CHD8: variants seen among roughly 807,000 people sequenced by gnomAD.
CHD8 encodes the protein chromodomain helicase DNA binding protein 8, also known as ATP-dependent chromatin remodeler CHD8.
In CHD8, 31 loss-of-function variants were observed where a neutral mutation model predicts 279.2. That is an observed-to-expected ratio of 0.11 (90% CI 0.08 to 0.15). CHD8 has a LOEUF of 0.15. CHD8 is among the 10% of genes least tolerant of loss of function. The pLI is 1.00. For missense variants in CHD8, 2,146 were observed against 3,230.5 expected, an observed-to-expected ratio of 0.66 and a Z score of 8.14; for synonymous variants, 1,081 against 1,139.6, an observed-to-expected ratio of 0.95 and a Z score of 1.04.
chr14:21,452,647 G>GA (rs1348233856), intron 1 of CHD8, among the ~76,000 whole-genome samples: 3,305 of 132,862 alleles, frequency 0.025, 123 homozygotes, highest in African/African-American at 0.083. Flanking sequence ...TGTCTCAAAA[G>GA]AAAAAAAAAA....
intron 2 of CHD8, 59 bp downstream of exon 2, chr14:21,430,742 A>G (rs1276753402): frequency 1.8e-5 from 20 of 1,083,782 alleles, no homozygotes; most frequent in Non-Finnish European, 2.4e-5. Flanking sequence ...TCACTCTCTC[A>G]AAGAGTTGCT....
Position 21,400,097 on chromosome 14 carries a change from T to G in CHD8, c.4728-27A>C. ...TAGAAAGGACAGAGGAAGAGCTGGC[T>G]CAGTAACACTGTAGAAGTTTGAGGT... On this transcript the variant is annotated intron_variant, in intron 24 of 37. Transcript: ENST00000646647. The surrounding 1 kb of genome is among the most constrained non-coding windows in gnomAD (Gnocchi z 4.2). 1 of 1,613,138 alleles carries G rather than the reference T, an allele frequency of 6.2e-7. No individual in the cohort carries two copies. Among genetic ancestry groups the G allele is most frequent in the Non-Finnish European group, 8.5e-7 (1 of 1,179,218 alleles).
At position 21,385,556 on chromosome 14, in the gene CHD8, G is replaced by A; in HGVS notation, c.*57C>T. ...CCCTCCCACGTTTCCATAGTCCAAG[G>A]GCCAGAGTAAATGAAAATACAGCAG... On this transcript the variant is annotated 3_prime_UTR_variant, in exon 38 of 38. Coordinates refer to ENST00000646647, the MANE Select transcript of CHD8 (RefSeq NM_001170629.2). 1.3e-6 allele frequency: 2 copies of A among 1,510,650 alleles called. No homozygotes were observed. Among genetic ancestry groups the A allele is most frequent in the Non-Finnish European group, 1.8e-6 (2 of 1,129,092 alleles). 93.6% of individuals were successfully genotyped at this position (1,510,650 alleles called of 1,614,324 possible). A position where few individuals can be genotyped will look rare whatever the true frequency, so the allele number is the denominator to read the frequency against.
chr14:21,400,057 C>T lies in CHD8; in HGVS notation c.4741G>A (p.Val1581Ile). ...KHQCNKVLLR[V>I]RMLYYLRQEV... ...TGCCTCAGGTAGTATAGCATTCGTA[C>T]CCGCAACAGTACCCTAGAAAGGACA... Residue 1581 changes from valine (V) to isoleucine (I), a missense_variant, in exon 25 of 38, where the codon GTA (valine) becomes ATA (isoleucine). Around this residue, in one of 26 missense-constraint regions of CHD8, gnomAD observed 4 missense variants for 33.0 expected, o/e 0.12. Coordinates refer to ENST00000646647, the MANE Select transcript of CHD8 (RefSeq NM_001170629.2). This position sits in a 1 kb window ranked among gnomAD's most constrained non-coding sequence, Gnocchi z 4.2. 2 of 1,613,686 alleles carry T rather than the reference C, an allele frequency of 1.2e-6. No homozygotes were observed. Among genetic ancestry groups the T allele is most frequent in the African/African-American group, 1.3e-5 (1 of 74,958 alleles).
intron 37 of CHD8, among the ~76,000 whole-genome samples, chr14:21,387,045 A>C (rs1184361472): frequency 1.3e-5 from 2 of 152,230 alleles, no homozygotes; most frequent in Non-Finnish European, 2.9e-5. Flanking sequence ...TTTTTGTTCC[A>C]CATTGATAAA....
At chr14:21,389,909 A>T (rs1361597537) in intron 37 of CHD8, among the ~76,000 whole-genome samples, 1 of 152,146 alleles carries the variant, frequency 6.6e-6, no homozygotes, top group Admixed American at 6.5e-5. Flanking sequence ...TCCTTAGAAG[A>T]CCTCTCCAAA....
At chr14:21,444,796 T>C (rs1349909572) in intron 1 of CHD8, among the ~76,000 whole-genome samples, 3 of 152,222 alleles carry the variant, frequency 2.0e-5, no homozygotes, top group Admixed American at 2.0e-4. Context: ...TTCTATACTT[T>C]CTTTTCAAGG....
chr14:21,403,349 T>A lies in CHD8; in HGVS notation c.3518+104A>T. 2 of 1,269,596 alleles carry A rather than the reference T, an allele frequency of 1.6e-6. No individual in the cohort carries two copies. Among genetic ancestry groups the A allele is most frequent in the Non-Finnish European group, 1.1e-6 (1 of 911,982 alleles). 78.6% of individuals were successfully genotyped at this position (1,269,596 alleles called of 1,614,324 possible). ...AGTTGAGAGTGAGAATCTTAAAAAC[T>A]TCTCTTATTGCAATTGGTGAACTCT... On this transcript the variant is annotated intron_variant, in intron 17 of 37. Coordinates refer to ENST00000646647, the MANE Select transcript of CHD8 (RefSeq NM_001170629.2). The surrounding 1 kb of genome is among the most constrained non-coding windows in gnomAD (Gnocchi z 4.3).
chr14:21,428,369 G>A (rs760497048), intron 3 of CHD8, 115 bp from the exon 4 acceptor site: 53 of 919,484 alleles, frequency 5.8e-5, no homozygotes, highest in Non-Finnish European at 8.3e-5. Flanking sequence ...CAAGAATCAA[G>A]CTCAGACTAA....
intron 3 of CHD8, among the ~76,000 whole-genome samples, chr14:21,428,529 C>G (rs1292949598): frequency 1.3e-5 from 2 of 152,180 alleles, no homozygotes; most frequent in Admixed American, 1.3e-4. Context: ...AAAATTACAA[C>G]TAATATACCC....
chr14:21,395,032 T>C lies in CHD8; in HGVS notation c.5270A>G (p.Gln1757Arg), dbSNP rs1380631924. 6.2e-7 allele frequency: 1 copy of C among 1,614,032 alleles called. No homozygotes were observed. Among genetic ancestry groups the C allele is most frequent in the Non-Finnish European group, 8.5e-7 (1 of 1,179,896 alleles). ...ARLRRLVTAY[Q>R]RSYKREQMKI... ...CATTTGTTCTCTCTTGTAGCTGCGC[T>C]GATACGCTGTTACTAGACGCCGAAG... The change falls in exon 30 of 38, where the codon CAG (glutamine) becomes CGG (arginine). Residue 1757 changes from glutamine to arginine, a missense_variant. Coordinates refer to ENST00000646647, the MANE Select transcript of CHD8 (RefSeq NM_001170629.2).
At chr14:21,453,538 T>C (rs1443275851) in intron 1 of CHD8, among the ~76,000 whole-genome samples, 2 of 151,850 alleles carry the variant, frequency 1.3e-5, no homozygotes, top group African/African-American at 2.4e-5. Flanking sequence ...ATAGTAAATA[T>C]TATACCACAA....
In CHD8 at chr14:21,385,626, T is replaced by C. The variant is rs755292321; in HGVS notation, c.7733A>G (p.Asp2578Gly). ...MMPANSDSSE[D>G]ADD ...CATGCTGGGGCTTCAGTCATCAGCA[T>C]CTTCACTGGAGTCTGAGTTAGCTGG... Residue 2578 changes from aspartate to glycine, a missense_variant, in exon 38 of 38, where the codon GAT becomes GGT. This residue lies in a region of CHD8 where 336 missense variants were observed against 392.9 expected (regional missense o/e 0.86). Transcript: ENST00000646647. The C allele has an allele frequency of 1.0e-5, 16 of 1,551,370 alleles. No homozygotes were observed. The highest frequency in any genetic ancestry group is 1.4e-5 in the Non-Finnish European group (16 of 1,146,612).
At chr14:21,438,219 C>G (rs1889862084) in intron 1 of CHD8, among the ~76,000 whole-genome samples, 1 of 152,116 alleles carries the variant, frequency 6.6e-6, no homozygotes, top group Admixed American at 6.5e-5. Context: ...TGCCACCACA[C>G]CTAGCTAATT....
At chr14:21,447,360 T>G (rs1890150995) in intron 1 of CHD8, among the ~76,000 whole-genome samples, 1 of 151,610 alleles carries the variant, frequency 6.6e-6, no homozygotes, top group African/African-American at 2.4e-5. Context: ...AGTGAACGGA[T>G]GACACTATAT....
chr14:21,413,884 C>A (rs946883419), intron 9 of CHD8: 1 of 157,760 alleles, frequency 6.3e-6, no homozygotes, highest in Non-Finnish European at 1.4e-5. Context: ...TAGGGGTAAA[C>A]CTGGATATTG....
chr14:21,443,318 G>A (rs1890031331), intron 1 of CHD8, among the ~76,000 whole-genome samples: 1 of 151,984 alleles, frequency 6.6e-6, no homozygotes, highest in South Asian at 2.1e-4. Context: ...GTGAACCCGG[G>A]AGGTGGAGCT....
chr14:21,405,056 T>C lies in CHD8; in HGVS notation c.3307+153A>G. The C allele has an allele frequency of 1.4e-6, 1 of 707,312 alleles. No homozygotes were observed. The allele number at this position is 707,312 out of a possible 1,614,324, so 43.8% of individuals were successfully genotyped here. A position where few individuals can be genotyped will look rare whatever the true frequency, so the allele number is the denominator to read the frequency against. The stretch of plus-strand genomic sequence containing the variant: ...CATGTTGCCCAGGCTTAGAGTCTCT[T>C]TTTTAAAAGGAGAACCATTTCCCTC... On this transcript the variant is annotated intron_variant, in intron 16 of 37. Coordinates refer to ENST00000646647, the MANE Select transcript of CHD8 (RefSeq NM_001170629.2). This position sits in a 1 kb window ranked among gnomAD's most constrained non-coding sequence, Gnocchi z 4.2.
At chr14:21,439,239 A>C (rs1889895830) in intron 1 of CHD8, among the ~76,000 whole-genome samples, 1 of 152,336 alleles carries the variant, frequency 6.6e-6, no homozygotes, top group East Asian at 1.9e-4. Flanking sequence ...TAGGAAAATC[A>C]ACTTGCTTTA....
Sources: allele counts gnomAD v4.1 joint callset (sites outside exome capture counted in the v4.1 genomes callset), GRCh38; gene constraint gnomAD v4.1.1; regional missense constraint gnomAD v4.1.1; non-coding constraint Gnocchi (gnomAD v3.1); transcripts MANE v1.5; gene names NCBI Gene and HGNC (gene_info 2026-07-23, HGNC 2026-07-21).